Variants in HLA-DRB1 observed in about 807,000 individuals in gnomAD.
HLA-DRB1 encodes major histocompatibility complex, class II, DR beta 1, also known as major histocompatibility complex, class II, DR beta 1 precursor.
A neutral mutation model predicts 27.9 loss-of-function variants in HLA-DRB1; 10 were observed. The ratio of observed to expected loss-of-function variants is 0.36; its 90% confidence interval spans 0.22 to 0.61. The LOEUF is 0.61. HLA-DRB1 is among the 20% of genes least tolerant of loss of function. The probability of loss-of-function intolerance (pLI) is 0.73; values close to 1 mark genes in which losing one functional copy is unlikely to be tolerated. For missense variants in HLA-DRB1, 118 were observed against 306.3 expected, an observed-to-expected ratio of 0.39 and a Z score of 4.59; for synonymous variants, 57 against 126.7, an observed-to-expected ratio of 0.45 and a Z score of 3.69.
chr6:32,584,444 C>A, intron 1 of HLA-DRB1, 66 bp from the exon 2 acceptor site: 1 of 696,608 alleles, frequency 1.4e-6, no homozygotes, highest in Non-Finnish European at 2.1e-6. Context: ...GCGACGCCAC[C>A]ATCCGGGGCT....
chr6:32,583,210 T>G lies in HLA-DRB1; in HGVS notation c.370+899A>C, dbSNP rs1351592452. 1.1e-4 allele frequency among the ~76,000 whole-genome samples: 6 copies of G among 54,410 alleles called. 2 individuals carry two copies. The East Asian group carries it at 4.0e-3, about 36-fold the overall frequency. The allele number at this position is 54,410 out of a possible 152,430, so 35.7% of individuals were successfully genotyped here. On this transcript the variant is annotated intron_variant, in intron 2 of 5. Coordinates refer to ENST00000360004, the Ensembl canonical transcript of HLA-DRB1. ...TAGAGCAATAATTATAATCGGCCAA[T>G]AAATAGGGCAAAATAATTCAAAGGA...
intron 1 of HLA-DRB1, among the ~76,000 whole-genome samples, chr6:32,585,341 A>G (rs1776243494): frequency 1.2e-5 from 1 of 82,054 alleles, no homozygotes; most frequent in African/African-American, 4.9e-5. Flanking sequence ...CAAACTCTAT[A>G]ATCAGAAAAC....
chr6:32,581,113 A>G (rs36027409), intron 3 of HLA-DRB1, among the ~76,000 whole-genome samples: 5,262 of 77,388 alleles, frequency 0.068, 135 homozygotes, highest in Non-Finnish European at 0.084. Context: ...CTGAGACTCA[A>G]TGAGGATAAG....
chr6:32,582,005 C>T (rs9269819), intron 2 of HLA-DRB1, among the ~76,000 whole-genome samples, 167 bp from the exon 3 acceptor site: 93,365 of 131,176 alleles, frequency 0.71, 35,950 homozygotes, highest in Middle Eastern at 0.85. Flanking sequence ...TTAATCTTGA[C>T]AGTGAGGACC....
At chr6:32,580,373 C>A in intron 4 of HLA-DRB1, 103 bp from the exon 5 acceptor site, 2 of 543,128 alleles carry the variant, frequency 3.7e-6, no homozygotes, top group Non-Finnish European at 3.3e-6. Flanking sequence ...ATTTCTCTAA[C>A]ACCACAACCC....
At chr6:32,580,802 A>G (rs1775329501) in exon 4 of HLA-DRB1, 3 of 1,613,244 alleles carry the variant, frequency 1.9e-6, no homozygotes, top group South Asian at 1.1e-5. Context: ...CAGGCCCAGC[A>G]CAAAGCCCCC....
At chr6:32,579,712 T>C (rs111358198) in intron 5 of HLA-DRB1, among the ~76,000 whole-genome samples, 23,505 of 59,718 alleles carry the variant, frequency 0.39, 10,582 homozygotes, top group Admixed American at 0.44. Context: ...CTGATTGGTC[T>C]ATTTTACAGA....
chr6:32,582,460 A>T lies in HLA-DRB1; in HGVS notation c.371-622T>A, dbSNP rs1390197854. On this transcript the variant is annotated intron_variant, in intron 2 of 5. Coordinates refer to ENST00000360004, the Ensembl canonical transcript of HLA-DRB1. ...AAATATGATTTAAAGCAATATGCAT[A>T]GATAAAGGGACAGAGTTGGGTACAT... Among the ~76,000 whole-genome samples the T allele has an allele frequency of 3.1e-3, 353 of 112,586 alleles. 17 individuals carry two copies. The East Asian group carries it at 0.062, about 20-fold the overall frequency. 73.9% of individuals were successfully genotyped at this position (112,586 alleles called of 152,430 possible).
chr6:32,589,672 G>A (rs187619904), exon 1 of HLA-DRB1: 11,794 of 1,087,398 alleles, frequency 0.011, no homozygotes, highest in Admixed American at 0.02. Flanking sequence ...AGCCAGTGGG[G>A]AGCTCAGCAC....
chr6:32,589,226 T>A (rs9270251), intron 1 of HLA-DRB1, among the ~76,000 whole-genome samples: 20,923 of 96,890 alleles, frequency 0.22, 28 homozygotes, highest in African/African-American at 0.25. Context: ...AACCTAACAC[T>A]GGATCGTCTA....
chr6:32,580,595 A>G, intron 4 of HLA-DRB1, 151 bp downstream of exon 4: 1 of 748,384 alleles, frequency 1.3e-6, no homozygotes, highest in Non-Finnish European at 2.2e-6. Flanking sequence ...CCATGCACTG[A>G]TGATTTCTGG....
intron 1 of HLA-DRB1, among the ~76,000 whole-genome samples, chr6:32,586,562 G>C (rs111297585): frequency 0.36 from 16,018 of 44,314 alleles, 5,624 homozygotes; most frequent in Admixed American, 0.48. Context: ...CCTGTGCCCT[G>C]TTCTTTTTTC....
At chr6:32,588,703 A>G (rs1776896040) in intron 1 of HLA-DRB1, among the ~76,000 whole-genome samples, 1 of 64,882 alleles carries the variant, frequency 1.5e-5, no homozygotes, top group African/African-American at 6.2e-5. Flanking sequence ...TGAGACGTGA[A>G]CAATGTTCAC....
In HLA-DRB1 at chr6:32,581,866, G is replaced by T. The variant is rs34363403; in HGVS notation, c.371-28C>A. 4.3e-5 allele frequency: 44 copies of T among 1,032,896 alleles called. No individual in the cohort carries two copies. The South Asian group carries it at 4.8e-4, about 11-fold the overall frequency. The allele number at this position is 1,032,896 out of a possible 1,614,324, so 64.0% of individuals were successfully genotyped here. On this transcript the variant is annotated intron_variant, in intron 2 of 5. Coordinates refer to ENST00000360004, the Ensembl canonical transcript of HLA-DRB1. ...AGGAGAAAAACAACGTAGAGGGAAT[G>T]AGTCAGGAAGACAGAGTAAGTCTCC...
At chr6:32,581,868 G>T in intron 2 of HLA-DRB1, 30 bp from the exon 3 acceptor site, 1 of 1,039,712 alleles carries the variant, frequency 9.6e-7, no homozygotes, top group Non-Finnish European at 1.4e-6. Flanking sequence ...GAGGGAATGA[G>T]TCAGGAAGAC....
At chr6:32,588,904 A>G (rs1268780583) in intron 1 of HLA-DRB1, among the ~76,000 whole-genome samples, 1 of 130,174 alleles carries the variant, frequency 7.7e-6, no homozygotes, top group Non-Finnish European at 1.6e-5. Flanking sequence ...AAGATTCATA[A>G]TGAACACGAA....
chr6:32,586,948 C>T (rs35984981), intron 1 of HLA-DRB1, among the ~76,000 whole-genome samples: 9,416 of 82,692 alleles, frequency 0.11, 1,020 homozygotes, highest in Non-Finnish European at 0.14. Flanking sequence ...TCTTTTTCAC[C>T]ATCTTTATCA....
At chr6:32,585,692 T>C in intron 1 of HLA-DRB1, among the ~76,000 whole-genome samples, 1 of 112,048 alleles carries the variant, frequency 8.9e-6, no homozygotes, top group African/African-American at 3.6e-5. Context: ...AACACTGGTT[T>C]ATGTCAAATA....
exon 3 of HLA-DRB1, chr6:32,581,833 G>A: frequency 8.1e-7 from 1 of 1,230,306 alleles, no homozygotes; most frequent in African/African-American, 2.0e-5. Context: ...GTCACCTTAG[G>A]TTGGACTAGG....
Sources: gnomAD v4.1 joint callset for allele counts (sites outside exome capture counted in the v4.1 genomes callset) on GRCh38, gnomAD v4.1.1 for gene constraint, MANE v1.5 for transcripts, NCBI Gene and HGNC (gene_info 2026-07-23, HGNC 2026-07-21) for gene names.